RGR: variants seen among roughly 807,000 people sequenced by gnomAD.
RGR encodes the protein RPE-retinal G protein-coupled receptor.
Under a neutral mutation model 28.6 loss-of-function variants are expected in RGR, and 30 were observed. The observed-to-expected ratio is 1.05, with a 90% CI of 0.78 to 1.42. RGR has a LOEUF of 1.42. Ranked by LOEUF, RGR falls within the 40% of genes most tolerant of loss-of-function variation. RGR has a pLI of 0.00. For synonymous variants in RGR, 180 were observed against 156.4 expected (o/e 1.15, Z -1.13); for missense variants, 404 against 375.6 (o/e 1.08, Z -0.62).
Position 84,247,693 on chromosome 10 carries a change from C to G in RGR, c.182C>G (p.Ala61Gly). The change falls in exon 2 of 7, where the codon GCG becomes GGG. Residue 61 changes from alanine to glycine, a missense_variant. Physicochemically the swap from Ala to Gly is moderately conservative, Grantham distance 60 (BLOSUM62 0). Transcript: ENST00000652092. ...CHLLVLSLALADSGISLNALV... is the reference protein window; with the variant it reads ...CHLLVLSLALGDSGISLNALV... ...CTACTGGTGCTGAGCTTGGCTCTTG[C>G]GGACAGTGGGATCAGCCTGAATGCC... 6.2e-7 allele frequency: 1 copy of G among 1,614,174 alleles called. No individual in the cohort carries two copies. Among genetic ancestry groups the G allele is most frequent in the Non-Finnish European group, 8.5e-7 (1 of 1,180,036 alleles).
chr10:84,245,119 G>A lies in RGR; in HGVS notation c.29G>A (p.Gly10Asp). MAETSALPT[G>D]FGELEVLAVG... Reference sequence around the variant, plus strand: ...GCAGAGACCAGTGCCCTGCCCACTGGCTTCGGGGAGCTCGAGGTGCTGGCT... The same window carrying A: ...GCAGAGACCAGTGCCCTGCCCACTGACTTCGGGGAGCTCGAGGTGCTGGCT... Residue 10 changes from glycine to aspartate, a missense_variant, in exon 1 of 7, where the codon GGC (glycine) becomes GAC (aspartate). Gly to Asp is a moderately conservative substitution (Grantham distance 94). Transcript: ENST00000652092. 1 of 1,613,544 alleles carries A rather than the reference G, an allele frequency of 6.2e-7. No homozygotes were observed. The highest frequency in any genetic ancestry group is 8.5e-7 in the Non-Finnish European group (1 of 1,179,904).
At chr10:84,246,663 A>G (rs958673696) in intron 1 of RGR, among the ~76,000 whole-genome samples, 4 of 152,120 alleles carry the variant, frequency 2.6e-5, no homozygotes, top group Admixed American at 2.6e-4. Context: ...TATCTTTGCA[A>G]TTGTGAATTG....
chr10:84,253,082 G>T, intron 4 of RGR, 72 bp downstream of exon 4: 1 of 1,531,222 alleles, frequency 6.5e-7, no homozygotes. Flanking sequence ...TGACAAGGGT[G>T]CCCCAGCTGA....
chr10:84,258,055 C>A, intron 6 of RGR, 49 bp downstream of exon 6: 1 of 1,468,788 alleles, frequency 6.8e-7, no homozygotes, highest in African/African-American at 1.4e-5. Flanking sequence ...CATCTTTGTT[C>A]TCTGTCTCAT....
At chr10:84,253,741 T>G (rs964342638) in intron 4 of RGR, among the ~76,000 whole-genome samples, 4 of 152,072 alleles carry the variant, frequency 2.6e-5, no homozygotes, top group Non-Finnish European at 4.4e-5. Flanking sequence ...GGTCCAAGTG[T>G]CCCTCCATGG....
In RGR at chr10:84,252,375, T is replaced by C. The variant is rs368620675; in HGVS notation, c.359-482T>C. Among the ~76,000 whole-genome samples, 13 of 152,362 alleles carry C rather than the reference T, an allele frequency of 8.5e-5. No individual in the cohort carries two copies. The East Asian group carries it at 2.1e-3, about 25-fold the overall frequency. On this transcript the variant is annotated intron_variant, in intron 3 of 6. Transcript: ENST00000652092. Reference sequence around the variant, plus strand: ...CTGAACCCCTGCCTATGCTTCTTCCTGAACTTTGTCTCTGAAAACGTATCT... The same window carrying C: ...CTGAACCCCTGCCTATGCTTCTTCCCGAACTTTGTCTCTGAAAACGTATCT...
At chr10:84,254,952 G>A (rs545191153) in intron 5 of RGR, among the ~76,000 whole-genome samples, 2 of 152,302 alleles carry the variant, frequency 1.3e-5, no homozygotes, top group African/African-American at 4.8e-5. Flanking sequence ...GCTGGCCACA[G>A]GAGCTTCTTA....
In RGR at chr10:84,251,391, C is replaced by A. The variant is rs756417179; in HGVS notation, c.359-1466C>A. On this transcript the variant is annotated intron_variant, in intron 3 of 6. Transcript: ENST00000652092. ...AATGCCATCGACTCGGTGGCTTGAA[C>A]AATAGAAATTTATTTCTCAGTTATT... Among the ~76,000 whole-genome samples the A allele has an allele frequency of 2.6e-5, 4 of 152,146 alleles. 1 individual carries two copies. The highest frequency in any genetic ancestry group is 1.3e-4 in the Admixed American group (2 of 15,264).
chr10:84,251,082 A>G (rs1842812214), intron 3 of RGR, among the ~76,000 whole-genome samples: 1 of 151,952 alleles, frequency 6.6e-6, no homozygotes, highest in Admixed American at 6.6e-5. Flanking sequence ...TAAAAATACA[A>G]GAATTAGCTG....
chr10:84,250,476 C>A (rs1235823269), intron 3 of RGR: 1 of 716,320 alleles, frequency 1.4e-6, no homozygotes, highest in South Asian at 1.5e-5. Context: ...CCACTCCTTA[C>A]ATCCCAGCCC....
At chr10:84,250,691 G>A in intron 3 of RGR, 3 of 477,464 alleles carry the variant, frequency 6.3e-6, no homozygotes, top group Non-Finnish European at 1.1e-5. Flanking sequence ...GGGGAATGAG[G>A]AGGTCTGAAT....
Position 84,247,685 on chromosome 10 carries a change from G to A in RGR, c.174G>A (p.Leu58=), listed in dbSNP as rs778500739. 10 of 1,614,082 alleles carry A rather than the reference G, an allele frequency of 6.2e-6. No individual in the cohort carries two copies. The Admixed American group carries it at 1.7e-4, about 27-fold the overall frequency. Residue 58 remains leucine, a synonymous_variant, in exon 2 of 7, where the codon TTG becomes TTA. Coordinates refer to ENST00000652092, the MANE Select transcript of RGR (RefSeq NM_001012720.2). ...RTPCHLLVLS[L]ALADSGISLN... is the part of the protein sequence containing the mutation. ...CCTGCCACCTACTGGTGCTGAGCTT[G>A]GCTCTTGCGGACAGTGGGATCAGCC...
At chr10:84,251,762 T>C (rs1842821178) in intron 3 of RGR, among the ~76,000 whole-genome samples, 2 of 152,194 alleles carry the variant, frequency 1.3e-5, no homozygotes, top group Admixed American at 6.5e-5. Context: ...TCCACCCTTA[T>C]GGCCTAGTTA....
chr10:84,254,594 C>G (rs762205761), intron 5 of RGR, 151 bp downstream of exon 5: 11 of 740,278 alleles, frequency 1.5e-5, no homozygotes, highest in Admixed American at 4.0e-5. Context: ...CAGTATTACA[C>G]TCTCAGAGAG....
rs1842730214 is a variant in RGR, at chr10:84,245,075, G to C, written c.-16G>C. On this transcript the variant is annotated 5_prime_UTR_variant, in exon 1 of 7. Transcript: ENST00000652092. ...GCCAGAGACAGCTGGGCCACTGGCAGTGAGGGAGAGTGAGGATGGCAGAGA... is the reference window on the plus strand; with the variant it reads ...GCCAGAGACAGCTGGGCCACTGGCACTGAGGGAGAGTGAGGATGGCAGAGA... 6.2e-7 allele frequency: 1 copy of C among 1,613,304 alleles called. No individual in the cohort carries two copies. Among genetic ancestry groups the C allele is most frequent in the Non-Finnish European group, 8.5e-7 (1 of 1,179,636 alleles).
At chr10:84,248,553 C>T (rs908046027) in intron 2 of RGR, 2 of 360,226 alleles carry the variant, frequency 5.6e-6, no homozygotes, top group Admixed American at 8.1e-5. Context: ...GGGATCTCCC[C>T]TCTGACTTTG....
chr10:84,258,452 C>G, intron 6 of RGR, 56 bp from the exon 7 acceptor site: 1 of 1,613,622 alleles, frequency 6.2e-7, no homozygotes, highest in Non-Finnish European at 8.5e-7. Context: ...CAGGTGAGAC[C>G]AGAGAGAGGA....
chr10:84,253,163 G>T (rs568955318), intron 4 of RGR, among the ~76,000 whole-genome samples, 153 bp downstream of exon 4: 63 of 152,340 alleles, frequency 4.1e-4, no homozygotes, highest in Middle Eastern at 3.4e-3. Context: ...CCACCTGCAG[G>T]TGGACAGTGG....
At chr10:84,249,349 A>G (rs1014945802) in intron 3 of RGR, among the ~76,000 whole-genome samples, 2 of 151,928 alleles carry the variant, frequency 1.3e-5, no homozygotes, top group Admixed American at 6.6e-5. Flanking sequence ...GAATCGCTCT[A>G]TTGCCCAGGC....
Sources: gnomAD v4.1 joint callset for allele counts (sites outside exome capture counted in the v4.1 genomes callset) on GRCh38, gnomAD v4.1.1 for gene constraint, MANE v1.5 for transcripts, NCBI Gene and HGNC (gene_info 2026-07-23, HGNC 2026-07-21) for gene names.